The following PCSK6 variants were observed in gnomAD, a reference collection of about 807,000 sequenced individuals.
PCSK6 encodes the protein paired basic amino acid cleaving enzyme 4.
Under a neutral mutation model 123.3 loss-of-function variants are expected in PCSK6, and 85 were observed. That is an observed-to-expected ratio of 0.69 (90% CI 0.58 to 0.83). The LOEUF (loss-of-function observed/expected upper bound fraction) is 0.83. Among genes scored for constraint, PCSK6 ranks in the 40% least tolerant of loss-of-function variants. PCSK6 has a pLI of 0.00. For missense variants in PCSK6, 1,191 were observed against 1,282.3 expected, an observed-to-expected ratio of 0.93 and a Z score of 1.09; for synonymous variants, 508 against 516.0, an observed-to-expected ratio of 0.98 and a Z score of 0.21.
At chr15:101,402,655 A>C (rs2042625369) in intron 6 of PCSK6, among the ~76,000 whole-genome samples, 1 of 152,246 alleles carries the variant, frequency 6.6e-6, no homozygotes. Context: ...ATGCAGCCAA[A>C]AGACACATGA....
chr15:101,369,223 C>G (rs904794262), intron 12 of PCSK6, among the ~76,000 whole-genome samples: 15 of 152,374 alleles, frequency 9.8e-5, no homozygotes, highest in Non-Finnish European at 2.1e-4. Flanking sequence ...CCCCAATCCT[C>G]TGGACAATGG....
At chr15:101,318,108 T>G (rs1357329567) in intron 19 of PCSK6, among the ~76,000 whole-genome samples, 2 of 152,384 alleles carry the variant, frequency 1.3e-5, no homozygotes, top group African/African-American at 4.8e-5. Flanking sequence ...TTGTCATTTC[T>G]CAAGTTGAGA....
chr15:101,325,092 C>A (rs767237530), intron 16 of PCSK6, 46 bp from the exon 17 acceptor site: 3 of 1,448,884 alleles, frequency 2.1e-6, no homozygotes, highest in Non-Finnish European at 9.4e-7. Flanking sequence ...CAACCCAGCC[C>A]CAGCCCCAGG....
intron 2 of PCSK6, among the ~76,000 whole-genome samples, chr15:101,441,375 T>C (rs1431528918): frequency 3.3e-5 from 5 of 151,954 alleles, no homozygotes; most frequent in African/African-American, 1.2e-4. Flanking sequence ...AGAGTCTGTC[T>C]CTGCTGCCTC....
intron 1 of PCSK6, among the ~76,000 whole-genome samples, chr15:101,447,914 T>C (rs1282487149): frequency 2.0e-5 from 3 of 152,216 alleles, no homozygotes. Flanking sequence ...CCTGGCAGCC[T>C]CCTCCTCCTT....
At chr15:101,415,079 C>T (rs187423631) in intron 6 of PCSK6, among the ~76,000 whole-genome samples, 1 of 152,292 alleles carries the variant, frequency 6.6e-6, no homozygotes, top group Admixed American at 6.5e-5. Flanking sequence ...ATTCATTATA[C>T]CTTGTAATGT....
intron 1 of PCSK6, among the ~76,000 whole-genome samples, chr15:101,462,167 T>TA (rs1397411531): frequency 1.3e-5 from 2 of 152,278 alleles, no homozygotes; most frequent in African/African-American, 2.4e-5. Flanking sequence ...GAGACCAATC[T>TA]AAAAAATCAA....
intron 1 of PCSK6, among the ~76,000 whole-genome samples, chr15:101,445,749 G>A (rs968365073): frequency 3.3e-5 from 5 of 152,210 alleles, no homozygotes; most frequent in African/African-American, 9.6e-5. Flanking sequence ...CTGGGCATTC[G>A]AGTCAATTCC....
At chr15:101,475,813 A>G (rs2057717035) in intron 1 of PCSK6, among the ~76,000 whole-genome samples, 1 of 152,144 alleles carries the variant, frequency 6.6e-6, no homozygotes, top group African/African-American at 2.4e-5. Context: ...CTTGAATAAC[A>G]ATGAGGGAAA....
chr15:101,437,234 C>T (rs1472090094), intron 2 of PCSK6, among the ~76,000 whole-genome samples: 1 of 152,204 alleles, frequency 6.6e-6, no homozygotes, highest in Non-Finnish European at 1.5e-5. Context: ...CATCTTCCAG[C>T]AGGGCAAGAG....
chr15:101,311,567 T>C (rs958997412), intron 20 of PCSK6, among the ~76,000 whole-genome samples: 1 of 152,040 alleles, frequency 6.6e-6, no homozygotes, highest in Admixed American at 6.5e-5. Context: ...TCAACCTCTT[T>C]TCTTTATAAA....
chr15:101,377,206 G>A (rs1009926102), intron 11 of PCSK6, among the ~76,000 whole-genome samples: 1 of 13,250 alleles, frequency 7.5e-5, no homozygotes, highest in Non-Finnish European at 1.0e-3. Context: ...GTGCTCTTAG[G>A]CACTGGCACC....
chr15:101,486,237 G>A (rs1355370173), intron 1 of PCSK6, among the ~76,000 whole-genome samples: 1 of 152,130 alleles, frequency 6.6e-6, no homozygotes, highest in Non-Finnish European at 1.5e-5. Flanking sequence ...GTGCTGGGAT[G>A]AGCCACCATG....
intron 6 of PCSK6, among the ~76,000 whole-genome samples, chr15:101,418,243 C>T (rs1187534343): frequency 6.6e-6 from 1 of 152,152 alleles, no homozygotes; most frequent in Non-Finnish European, 1.5e-5. Flanking sequence ...GCTCTACCAA[C>T]ACTTCAGAAA....
intron 1 of PCSK6, among the ~76,000 whole-genome samples, chr15:101,448,679 C>T (rs990669386): frequency 6.6e-6 from 1 of 152,232 alleles, no homozygotes; most frequent in African/African-American, 2.4e-5. Flanking sequence ...AGGCACAGAG[C>T]AGTGAAACTG....
intron 5 of PCSK6, among the ~76,000 whole-genome samples, chr15:101,428,352 C>T (rs1245795701): frequency 1.3e-5 from 2 of 152,210 alleles, no homozygotes; most frequent in African/African-American, 4.8e-5. Context: ...TGCTGCGCCA[C>T]CTCGGCCTCG....
At chr15:101,383,824 C>T (rs2041976827) in intron 10 of PCSK6, among the ~76,000 whole-genome samples, 1 of 152,104 alleles carries the variant, frequency 6.6e-6, no homozygotes. Context: ...AACTACATAT[C>T]AAACCTATGA....
chr15:101,377,758 C>T (rs1345311205), intron 11 of PCSK6, among the ~76,000 whole-genome samples: 1 of 152,212 alleles, frequency 6.6e-6, no homozygotes, highest in East Asian at 1.9e-4. Context: ...ATTATCTGCT[C>T]TACAGATAAG....
chr15:101,430,562 T>C (rs1456497300), intron 4 of PCSK6, among the ~76,000 whole-genome samples: 1 of 152,264 alleles, frequency 6.6e-6, no homozygotes, highest in Non-Finnish European at 1.5e-5. Context: ...TTTCAATAGG[T>C]ATGCTTTTGT....
Sources: gnomAD v4.1 joint callset for allele counts (sites outside exome capture counted in the v4.1 genomes callset) on GRCh38, gnomAD v4.1.1 for gene constraint, MANE v1.5 for transcripts, NCBI Gene and HGNC (gene_info 2026-07-23, HGNC 2026-07-21) for gene names.